The following CNTN4 variants were observed in gnomAD, a reference collection of about 807,000 sequenced individuals.
CNTN4 encodes the protein contactin 4.
CNTN4 carries 77 observed loss-of-function variants against 122.5 expected under a neutral mutation model. The ratio of observed to expected loss-of-function variants is 0.63; its 90% CI spans 0.52 to 0.76. The LOEUF (loss-of-function observed/expected upper bound fraction) is 0.76, where lower values mean the gene tolerates loss of function less well. Among genes scored for constraint, CNTN4 ranks in the 30% least tolerant of loss-of-function variants. The pLI is 0.00. For missense variants in CNTN4, 1,256 were observed against 1,259.1 expected, an observed-to-expected ratio of 1.00 and a Z score of 0.04; for synonymous variants, 512 against 447.0, an observed-to-expected ratio of 1.15 and a Z score of -1.83.
chr3:2,338,218 T>C (rs2044036864), intron 2 of CNTN4, among the ~76,000 whole-genome samples: 1 of 152,048 alleles, frequency 6.6e-6, no homozygotes, highest in Admixed American at 6.6e-5. Flanking sequence ...TACCTTCTGG[T>C]TGTTATCGAT....
At chr3:2,267,612 A>G (rs1008238126) in intron 2 of CNTN4, among the ~76,000 whole-genome samples, 1 of 152,084 alleles carries the variant, frequency 6.6e-6, no homozygotes, top group South Asian at 2.1e-4. Flanking sequence ...GCAGGATTGG[A>G]TGGAACGATA....
At chr3:2,995,360 C>G (rs1044393314) in intron 14 of CNTN4, among the ~76,000 whole-genome samples, 5 of 152,136 alleles carry the variant, frequency 3.3e-5, no homozygotes, top group African/African-American at 1.2e-4. Context: ...ATGCCTTTGG[C>G]GATATCAATC....
chr3:2,765,821 C>T (rs2090833509), intron 6 of CNTN4, among the ~76,000 whole-genome samples: 1 of 152,146 alleles, frequency 6.6e-6, no homozygotes, highest in South Asian at 2.1e-4. Flanking sequence ...AAGTAATAAC[C>T]TAAAACTGAT....
Position 2,882,374 on chromosome 3 carries a change from A to G in CNTN4, c.653-771A>G, listed in dbSNP as rs530680002. On this transcript the variant is annotated intron_variant, in intron 8 of 24. Transcript: ENST00000418658. ...GAGCGAGACTTCGTCTCGAAAAAAA[A>G]AAAAAGAAAAAGGAAGAAAGAAATA... 3.9e-5 allele frequency among the ~76,000 whole-genome samples: 6 copies of G among 152,298 alleles called. No homozygotes were observed. In the South Asian group the frequency reaches 1.2e-3, roughly 32 times the overall value.
intron 4 of CNTN4, among the ~76,000 whole-genome samples, chr3:2,696,113 T>C (rs1444073447): frequency 2.6e-5 from 4 of 152,244 alleles, no homozygotes; most frequent in Non-Finnish European, 5.9e-5. Flanking sequence ...CCAATTCTCT[T>C]GTTAGAAATT....
intron 3 of CNTN4, among the ~76,000 whole-genome samples, chr3:2,525,109 C>A (rs78567249): frequency 4.3e-4 from 65 of 152,228 alleles, no homozygotes; most frequent in Middle Eastern, 3.4e-3. Context: ...TGGATGAGAA[C>A]ACCTATTAGA....
chr3:2,380,398 T>C (rs575957093), intron 3 of CNTN4, among the ~76,000 whole-genome samples: 1 of 152,204 alleles, frequency 6.6e-6, no homozygotes. Flanking sequence ...ATGTTGTAGA[T>C]TGGAAAGAGG....
intron 2 of CNTN4, among the ~76,000 whole-genome samples, chr3:2,162,821 G>C (rs558568291): frequency 7.9e-5 from 12 of 152,234 alleles, no homozygotes; most frequent in African/African-American, 2.9e-4. Context: ...ACAGGGCTGG[G>C]TGTGGTGGCT....
chr3:2,425,667 G>C (rs1375851316), intron 3 of CNTN4, among the ~76,000 whole-genome samples: 1 of 152,088 alleles, frequency 6.6e-6, no homozygotes, highest in Non-Finnish European at 1.5e-5. Flanking sequence ...TGGGCAGTAT[G>C]GCCATTTTCA....
intron 3 of CNTN4, among the ~76,000 whole-genome samples, chr3:2,402,830 A>C (rs556373697): frequency 6.6e-6 from 1 of 152,318 alleles, no homozygotes; most frequent in Non-Finnish European, 1.5e-5. Flanking sequence ...AAAGTATATG[A>C]AAGTTCTTTA....
intron 6 of CNTN4, among the ~76,000 whole-genome samples, chr3:2,771,390 T>G (rs928799849): frequency 1.4e-4 from 22 of 152,128 alleles, no homozygotes; most frequent in Non-Finnish European, 2.6e-4. Flanking sequence ...TAATGCAGTG[T>G]TGGAAACTGA....
At chr3:2,537,271 C>T (rs1404961143) in intron 3 of CNTN4, among the ~76,000 whole-genome samples, 4 of 152,108 alleles carry the variant, frequency 2.6e-5, no homozygotes, top group South Asian at 4.2e-4. Flanking sequence ...GAGGTTCCTA[C>T]GACTCCATTA....
intron 3 of CNTN4, among the ~76,000 whole-genome samples, chr3:2,490,718 T>C (rs966381936): frequency 2.6e-5 from 4 of 152,198 alleles, no homozygotes; most frequent in African/African-American, 7.2e-5. Flanking sequence ...ATTTATCTTA[T>C]AGGAAAAATC....
chr3:2,700,064 C>T (rs758476520), intron 4 of CNTN4, among the ~76,000 whole-genome samples: 1 of 152,040 alleles, frequency 6.6e-6, no homozygotes, highest in Non-Finnish European at 1.5e-5. Flanking sequence ...TCCACTTTCA[C>T]GAAGTGCATG....
chr3:2,623,882 C>T (rs541751788), intron 4 of CNTN4, among the ~76,000 whole-genome samples: 2 of 152,176 alleles, frequency 1.3e-5, no homozygotes, highest in African/African-American at 4.8e-5. Context: ...AACCAGGCCT[C>T]ACACATAGAA....
intron 14 of CNTN4, among the ~76,000 whole-genome samples, chr3:3,000,784 GC>G (rs1695954564): frequency 6.6e-6 from 1 of 151,762 alleles, no homozygotes; most frequent in African/African-American, 2.4e-5. Flanking sequence ...ACTTACTTCT[GC>G]CCTAATGTGC....
At chr3:2,284,057 G>A (rs2041819867) in intron 2 of CNTN4, among the ~76,000 whole-genome samples, 1 of 151,922 alleles carries the variant, frequency 6.6e-6, no homozygotes, top group African/African-American at 2.4e-5. Flanking sequence ...GGGCATGTTA[G>A]CAGAGGGAAA....
At chr3:2,987,010 C>T (rs77867045) in intron 13 of CNTN4, among the ~76,000 whole-genome samples, 4,228 of 152,194 alleles carry the variant, frequency 0.028, 77 homozygotes, top group Non-Finnish European at 0.042. Flanking sequence ...GGAGAACCAC[C>T]GTAAACAGTG....
At chr3:2,856,417 ACACGTC>A (rs559551081) in intron 7 of CNTN4, among the ~76,000 whole-genome samples, 85 of 152,326 alleles carry the variant, frequency 5.6e-4, no homozygotes, top group Non-Finnish European at 9.8e-4. Flanking sequence ...AAGCAGGGAA[ACACGTC>A]CTGAGAAGAG....
Sources: allele counts gnomAD v4.1 joint callset (sites outside exome capture counted in the v4.1 genomes callset), GRCh38; gene constraint gnomAD v4.1.1; transcripts MANE v1.5; gene names NCBI Gene and HGNC (gene_info 2026-07-23, HGNC 2026-07-21).